The following KCNT2 variants were observed in gnomAD, a reference collection of about 807,000 sequenced individuals.
KCNT2 encodes potassium channel subfamily T member 2.
In KCNT2, 67 loss-of-function variants were observed where a neutral mutation model predicts 153.8. That is an observed-to-expected ratio of 0.44 (90% CI 0.36 to 0.53). The LOEUF (loss-of-function observed/expected upper bound fraction) is 0.53. Among genes scored for constraint, KCNT2 ranks in the 20% least tolerant of loss-of-function variants. KCNT2 has a pLI of 0.00. For missense variants in KCNT2, 975 were observed against 1,354.8 expected, an observed-to-expected ratio of 0.72 and a Z score of 4.40; for synonymous variants, 500 against 458.8, an observed-to-expected ratio of 1.09 and a Z score of -1.15.
At chr1:196,550,469 A>G (rs1657746178) in intron 1 of KCNT2, among the ~76,000 whole-genome samples, 1 of 151,934 alleles carries the variant, frequency 6.6e-6, no homozygotes, top group African/African-American at 2.4e-5. Context: ...GCATTTAAGT[A>G]ATATCTGTTG....
Position 196,326,792 on chromosome 1 carries a change from TTA to T in KCNT2, c.2199_2200del (p.Tyr733Ter). 1 of 1,583,804 alleles carries T rather than the reference TTA, an allele frequency of 6.3e-7. No individual in the cohort carries two copies. Among genetic ancestry groups the T allele is most frequent in the Non-Finnish European group, 8.6e-7 (1 of 1,166,662 alleles). On this transcript the variant is annotated stop_gained and frameshift_variant, in exon 19 of 28. Transcript: ENST00000294725. LOFTEE classifies it high-confidence loss of function. Reference sequence around the variant, plus strand: ...ATATGCCCTGAGAGGAACAATAAAGTTATATAATCCATTTCCAGCTGTTTCAG... The same window carrying T: ...ATATGCCCTGAGAGGAACAATAAAGTTATAATCCATTTCCAGCTGTTTCAG...
chr1:196,249,735 A>G (rs1202344440), intron 26 of KCNT2, among the ~76,000 whole-genome samples: 1 of 151,934 alleles, frequency 6.6e-6, no homozygotes, highest in East Asian at 1.9e-4. Context: ...ACATCATGCC[A>G]CTGCACTCCA....
At chr1:196,341,366 T>C (rs956875883) in intron 15 of KCNT2, among the ~76,000 whole-genome samples, 12 of 151,996 alleles carry the variant, frequency 7.9e-5, no homozygotes, top group Non-Finnish European at 1.6e-4. Flanking sequence ...GTATGGATAC[T>C]GGAAGTATGG....
intron 25 of KCNT2, among the ~76,000 whole-genome samples, chr1:196,266,263 A>G (rs955553638): frequency 6.6e-6 from 1 of 152,190 alleles, no homozygotes; most frequent in Non-Finnish European, 1.5e-5. Context: ...AAAGTTGAGG[A>G]TTGAACTATA....
At position 196,406,667 on chromosome 1, in the gene KCNT2, A is replaced by C. The variant is rs535896685; in HGVS notation, c.1186-7996T>G. Among the ~76,000 whole-genome samples, 63 of 151,448 alleles carry C rather than the reference A, an allele frequency of 4.2e-4. No homozygotes were observed. In the Middle Eastern group the frequency reaches 0.01, roughly 25 times the overall value. ...CAGCATTCAAACTTGTATGGCTGTAAATATAATTTTGTCCTCCTGCCAAGT... is the reference window on the plus strand; with the variant it reads ...CAGCATTCAAACTTGTATGGCTGTACATATAATTTTGTCCTCCTGCCAAGT... On this transcript the variant is annotated intron_variant, in intron 12 of 27. Transcript: ENST00000294725.
intron 1 of KCNT2, among the ~76,000 whole-genome samples, chr1:196,588,190 T>C (rs1198554981): frequency 1.3e-5 from 2 of 151,890 alleles, no homozygotes; most frequent in Non-Finnish European, 2.9e-5. Flanking sequence ...TTAGTAGCAT[T>C]GGCAGTACAT....
rs148336674 is a variant in KCNT2 at position 196,275,142 on chromosome 1, C to A, written c.2910+5718G>T. Among the ~76,000 whole-genome samples, 407 of 151,904 alleles carry A rather than the reference C, an allele frequency of 2.7e-3. 2 individuals are homozygous for A. Among genetic ancestry groups the A allele is most frequent in the African/African-American group, 9.6e-3 (399 of 41,498 alleles). ...TCAGGGAGCCTTTTGACATTTTATA[C>A]TTTTATATTATGGATTGAGAAGGAA... On this transcript the variant is annotated intron_variant, in intron 25 of 27. Transcript: ENST00000294725.
At chr1:196,271,671 GT>G (rs1658076444) in intron 25 of KCNT2, among the ~76,000 whole-genome samples, 1 of 151,906 alleles carries the variant, frequency 6.6e-6, no homozygotes, top group Admixed American at 6.6e-5. Flanking sequence ...TAAGAGTACA[GT>G]TTTTGTTAGA....
intron 26 of KCNT2, 35 bp downstream of exon 26, chr1:196,258,159 G>A (rs932307506): frequency 3.8e-6 from 6 of 1,580,368 alleles, no homozygotes; most frequent in South Asian, 3.4e-5. Context: ...AAGAAATCAC[G>A]AGTCCATATA....
At chr1:196,506,033 G>A (rs922191716) in intron 1 of KCNT2, among the ~76,000 whole-genome samples, 4 of 152,078 alleles carry the variant, frequency 2.6e-5, no homozygotes, top group Admixed American at 1.3e-4. Context: ...CTGCAAACAG[G>A]GACAATTTGA....
At chr1:196,243,386 G>A (rs1326545289) in intron 26 of KCNT2, among the ~76,000 whole-genome samples, 2 of 152,152 alleles carry the variant, frequency 1.3e-5, no homozygotes, top group African/African-American at 2.4e-5. Context: ...AACCAAAGAT[G>A]AGGTGAGCAA....
chr1:196,260,468 A>G (rs1386605028), intron 25 of KCNT2, among the ~76,000 whole-genome samples: 2 of 151,826 alleles, frequency 1.3e-5, no homozygotes, highest in African/African-American at 4.8e-5. Flanking sequence ...TAGCCTATTC[A>G]GCATTATTTT....
intron 14 of KCNT2, among the ~76,000 whole-genome samples, chr1:196,354,893 A>T (rs1667045415): frequency 6.6e-6 from 1 of 151,748 alleles, no homozygotes; most frequent in South Asian, 2.1e-4. Flanking sequence ...TGCAAACTTT[A>T]TTTAAAAATT....
chr1:196,259,128 A>G (rs1352863683), intron 25 of KCNT2, among the ~76,000 whole-genome samples: 1 of 152,170 alleles, frequency 6.6e-6, no homozygotes, highest in Non-Finnish European at 1.5e-5. Flanking sequence ...TTCAGGAAGT[A>G]TTCTAAGTAT....
At chr1:196,356,813 G>T (rs111487498) in intron 14 of KCNT2, among the ~76,000 whole-genome samples, 2 of 151,712 alleles carry the variant, frequency 1.3e-5, no homozygotes, top group African/African-American at 4.8e-5. Flanking sequence ...GGAGTGTTCA[G>T]ACTTGTGGTG....
intron 12 of KCNT2, among the ~76,000 whole-genome samples, chr1:196,410,151 T>C (rs2148478670): frequency 6.6e-6 from 1 of 150,570 alleles, no homozygotes; most frequent in Non-Finnish European, 1.5e-5. Context: ...GCTTATTTCC[T>C]TTCGTGTGTG....
chr1:196,399,313 A>T (rs1671221308), intron 12 of KCNT2, among the ~76,000 whole-genome samples: 1 of 151,798 alleles, frequency 6.6e-6, no homozygotes. Flanking sequence ...TAGATAAATG[A>T]ACCACACAGT....
intron 21 of KCNT2, among the ~76,000 whole-genome samples, chr1:196,310,991 T>C (rs190127437): frequency 2.6e-5 from 4 of 151,926 alleles, no homozygotes; most frequent in Non-Finnish European, 5.9e-5. Context: ...CAGAGCTTCG[T>C]ATATGCTGCC....
chr1:196,593,311 T>TATATATACACAC (rs1256165838), intron 1 of KCNT2, among the ~76,000 whole-genome samples: 9 of 140,204 alleles, frequency 6.4e-5, no homozygotes, highest in African/African-American at 2.5e-4. Context: ...TATATATATA[T>TATATATACACAC]ACACACACAC....
Sources: gnomAD v4.1 joint callset for allele counts (sites outside exome capture counted in the v4.1 genomes callset) on GRCh38, gnomAD v4.1.1 for gene constraint, MANE v1.5 for transcripts, NCBI Gene and HGNC (gene_info 2026-07-23, HGNC 2026-07-21) for gene names.